SDCCAG8: variants seen among roughly 807,000 people sequenced by gnomAD.
SDCCAG8 encodes the protein SHH signaling and ciliogenesis regulator SDCCAG8.
SDCCAG8 carries 74 observed loss-of-function variants against 101.8 expected under a neutral mutation model. The observed-to-expected ratio is 0.73, with a 90% CI of 0.60 to 0.88. The LOEUF (loss-of-function observed/expected upper bound fraction) is 0.88, where lower values mean the gene tolerates loss of function less well. Ranked by LOEUF, SDCCAG8 falls within the 40% of genes least tolerant of loss-of-function variation. The pLI is 0.00. For synonymous variants in SDCCAG8, 281 were observed against 292.9 expected, an observed-to-expected ratio of 0.96 and a Z score of 0.41; for missense variants, 787 against 822.6, an observed-to-expected ratio of 0.96 and a Z score of 0.53.
chr1:243,492,901 G>A (rs1428769610), intron 17 of SDCCAG8, among the ~76,000 whole-genome samples: 1 of 152,086 alleles, frequency 6.6e-6, no homozygotes, highest in South Asian at 2.1e-4. Flanking sequence ...GCTTTGCCCG[G>A]CCTCTTGGCT....
intron 1 of SDCCAG8, among the ~76,000 whole-genome samples, chr1:243,259,380 C>T (rs529091758): frequency 2.0e-5 from 3 of 152,102 alleles, no homozygotes; most frequent in Non-Finnish European, 2.9e-5. Flanking sequence ...GCACTCCAGC[C>T]TGGGCGACAG....
At chr1:243,348,599 G>A (rs80076701) in intron 12 of SDCCAG8, among the ~76,000 whole-genome samples, 1 of 151,912 alleles carries the variant, frequency 6.6e-6, no homozygotes, top group Non-Finnish European at 1.5e-5. Flanking sequence ...TGAGAACTGC[G>A]TAGGGCTGCA....
intron 16 of SDCCAG8, among the ~76,000 whole-genome samples, chr1:243,440,770 C>G (rs149440532): frequency 6.6e-6 from 1 of 152,132 alleles, no homozygotes; most frequent in Non-Finnish European, 1.5e-5. Flanking sequence ...CAATGCCTTT[C>G]GTGCTTTTGA....
intron 16 of SDCCAG8, among the ~76,000 whole-genome samples, chr1:243,449,027 G>A (rs1324969456): frequency 6.6e-6 from 1 of 152,182 alleles, no homozygotes; most frequent in Non-Finnish European, 1.5e-5. Context: ...CTATATGTGT[G>A]TCTAATTACT....
chr1:243,395,630 G>A (rs184731800), intron 13 of SDCCAG8, among the ~76,000 whole-genome samples: 1 of 152,200 alleles, frequency 6.6e-6, no homozygotes, highest in Non-Finnish European at 1.5e-5. Flanking sequence ...TGAAATTATA[G>A]CTAAGAAGCA....
chr1:243,295,185 C>T (rs2070744950), intron 6 of SDCCAG8, among the ~76,000 whole-genome samples: 1 of 152,118 alleles, frequency 6.6e-6, no homozygotes, highest in African/African-American at 2.4e-5. Context: ...CCACAATTTG[C>T]GTCAAACTAA....
chr1:243,434,281 C>T (rs1235380126), intron 16 of SDCCAG8, among the ~76,000 whole-genome samples: 1 of 152,208 alleles, frequency 6.6e-6, no homozygotes, highest in Non-Finnish European at 1.5e-5. Flanking sequence ...TGATCCCTGC[C>T]TCCTGCCACC....
At chr1:243,453,280 G>A (rs960675885) in intron 16 of SDCCAG8, among the ~76,000 whole-genome samples, 20 of 152,188 alleles carry the variant, frequency 1.3e-4, no homozygotes, top group African/African-American at 3.9e-4. Context: ...GCAGTGGCTG[G>A]TAAATTACAC....
In SDCCAG8 at chr1:243,304,690, ACTT is replaced by A. The variant is rs771569101; in HGVS notation, c.676-20_676-18del. On this transcript the variant is annotated intron_variant, in intron 6 of 17. Coordinates refer to ENST00000366541, the MANE Select transcript of SDCCAG8 (RefSeq NM_006642.5). Reference sequence around the variant, plus strand: ...AAATACAGGACATAGAGAAAAATGTACTTCTATTTTTCTTTTCTATAGGAGAAG... The same window carrying A: ...AAATACAGGACATAGAGAAAAATGTACTATTTTTCTTTTCTATAGGAGAAG... 9 of 1,281,312 alleles carry A rather than the reference ACTT, an allele frequency of 7.0e-6. No individual in the cohort carries two copies. The highest frequency in any genetic ancestry group is 1.0e-5 in the Non-Finnish European group (9 of 878,486). 79.4% of individuals were successfully genotyped at this position (1,281,312 alleles called of 1,614,324 possible).
At chr1:243,489,353 T>A (rs1170001913) in intron 17 of SDCCAG8, among the ~76,000 whole-genome samples, 1 of 152,030 alleles carries the variant, frequency 6.6e-6, no homozygotes, top group African/African-American at 2.4e-5. Flanking sequence ...TCCGTGCAGG[T>A]GAACAGACCC....
intron 13 of SDCCAG8, among the ~76,000 whole-genome samples, chr1:243,397,992 T>C (rs1188153253): frequency 1.3e-5 from 2 of 152,256 alleles, no homozygotes; most frequent in African/African-American, 4.8e-5. Context: ...AAAATTTTAC[T>C]ACATTACATT....
chr1:243,353,891 A>G (rs919238752), intron 12 of SDCCAG8, among the ~76,000 whole-genome samples: 2 of 152,200 alleles, frequency 1.3e-5, no homozygotes, highest in African/African-American at 4.8e-5. Flanking sequence ...GATTTTTCAA[A>G]TTTCAGATAA....
chr1:243,284,368 A>G (rs1212143380), intron 4 of SDCCAG8, among the ~76,000 whole-genome samples: 1 of 152,198 alleles, frequency 6.6e-6, no homozygotes, highest in African/African-American at 2.4e-5. Context: ...TTCTTCCTAA[A>G]TATAGTCTGA....
At chr1:243,304,662 A>G (rs761866388) in intron 6 of SDCCAG8, 51 bp from the exon 7 acceptor site, 9 of 986,130 alleles carry the variant, frequency 9.1e-6, no homozygotes, top group East Asian at 2.5e-5. Flanking sequence ...AAGTTTACTT[A>G]TAAAATACAG....
At chr1:243,409,430 A>G (rs1392601764) in intron 13 of SDCCAG8, among the ~76,000 whole-genome samples, 8 of 152,194 alleles carry the variant, frequency 5.3e-5, no homozygotes, top group Non-Finnish European at 1.5e-5. Flanking sequence ...TTACATGTAT[A>G]TTCATATCCA....
chr1:243,280,156 AT>A (rs1294774601), intron 4 of SDCCAG8, among the ~76,000 whole-genome samples: 1 of 152,098 alleles, frequency 6.6e-6, no homozygotes, highest in East Asian at 1.9e-4. Flanking sequence ...GAATTGGTGC[AT>A]TTCATCTAGG....
At chr1:243,327,310 T>G (rs2074228969) in intron 9 of SDCCAG8, among the ~76,000 whole-genome samples, 1 of 145,716 alleles carries the variant, frequency 6.9e-6, no homozygotes, top group Non-Finnish European at 1.5e-5. Flanking sequence ...ATTTATAATT[T>G]TATAGAAATT....
At chr1:243,426,631 C>G in intron 16 of SDCCAG8, 73 bp downstream of exon 16, 1 of 1,562,890 alleles carries the variant, frequency 6.4e-7, no homozygotes, top group African/African-American at 1.4e-5. Flanking sequence ...AGGGGAATTG[C>G]TGCGGAATAA....
At chr1:243,493,676 T>C (rs544445386) in intron 17 of SDCCAG8, among the ~76,000 whole-genome samples, 1 of 152,194 alleles carries the variant, frequency 6.6e-6, no homozygotes, top group South Asian at 2.1e-4. Flanking sequence ...GTTGGCCCTA[T>C]GACTTTTAAG....
Sources: allele counts gnomAD v4.1 joint callset (sites outside exome capture counted in the v4.1 genomes callset), GRCh38; gene constraint gnomAD v4.1.1; transcripts MANE v1.5; gene names NCBI Gene and HGNC (gene_info 2026-07-23, HGNC 2026-07-21).